UMAD1: variants seen among roughly 807,000 people sequenced by gnomAD.
UMAD1 encodes UBAP1-MVB12-associated (UMA)-domain containing protein 1.
Under a neutral mutation model 6.1 loss-of-function variants are expected in UMAD1, and 8 were observed. The observed-to-expected ratio is 1.30, with a 90% CI of 0.76 to 2.35. The LOEUF (loss-of-function observed/expected upper bound fraction) is 2.35. Ranked by LOEUF, UMAD1 falls within the 30% of genes most tolerant of loss-of-function variation. The pLI, the probability that UMAD1 is intolerant of heterozygous loss-of-function variation, is 0.00. For synonymous variants in UMAD1, 56 were observed against 31.4 expected, an observed-to-expected ratio of 1.78 and a Z score of -2.61; for missense variants, 130 against 78.4, an observed-to-expected ratio of 1.66 and a Z score of -2.49.
At chr7:7,707,044 G>A (rs9648617) in intron 2 of UMAD1, among the ~76,000 whole-genome samples, 7,760 of 152,150 alleles carry the variant, frequency 0.051, 249 homozygotes, top group Middle Eastern at 0.12. Context: ...ACTGTGTCAG[G>A]ACACTAATTA....
At position 7,810,091 on chromosome 7, in the gene UMAD1, G is replaced by T. The variant is rs552994342; in HGVS notation, c.156+8348G>T. ...TTCAAAAATAGCAACAGTTCTTCTA[G>T]TGGATGCCAGGATTTCAGTTTTAAG... On this transcript the variant is annotated intron_variant, in intron 3 of 3. Transcript: ENST00000682710. Among the ~76,000 whole-genome samples the T allele has an allele frequency of 2.6e-5, 4 of 152,164 alleles. No individual in the cohort carries two copies. In the South Asian group the frequency reaches 8.3e-4, roughly 32 times the overall value.
chr7:7,720,610 T>C (rs67942668), intron 2 of UMAD1, among the ~76,000 whole-genome samples: 33,022 of 152,174 alleles, frequency 0.22, 3,717 homozygotes, highest in African/African-American at 0.27. Flanking sequence ...ACTTTCTTCA[T>C]GGTAATTATA....
intron 3 of UMAD1, among the ~76,000 whole-genome samples, chr7:7,825,683 A>G (rs1783324714): frequency 1.3e-5 from 2 of 152,188 alleles, no homozygotes; most frequent in South Asian, 4.1e-4. Context: ...ATTTCCAAAG[A>G]ATGAATAATA....
chr7:7,706,103 A>C (rs573811932), intron 2 of UMAD1, among the ~76,000 whole-genome samples: 1 of 152,332 alleles, frequency 6.6e-6, no homozygotes, highest in African/African-American at 2.4e-5. Context: ...GTTATGATGG[A>C]GTCAGGATGC....
chr7:7,656,559 A>T (rs1034098940), intron 1 of UMAD1, among the ~76,000 whole-genome samples: 4 of 150,336 alleles, frequency 2.7e-5, no homozygotes, highest in African/African-American at 9.7e-5. Context: ...AAGTGAAAAC[A>T]TGTGGTGTTT....
chr7:7,823,463 A>T (rs1783281106), intron 3 of UMAD1, among the ~76,000 whole-genome samples: 1 of 152,140 alleles, frequency 6.6e-6, no homozygotes, highest in Non-Finnish European at 1.5e-5. Flanking sequence ...TTATTAACTC[A>T]AAGAATTCCC....
chr7:7,805,540 G>A (rs1161194757), intron 3 of UMAD1, among the ~76,000 whole-genome samples: 5 of 148,594 alleles, frequency 3.4e-5, no homozygotes, highest in Non-Finnish European at 6.0e-5. Flanking sequence ...TCTCCACATA[G>A]CAGACAGAAA....
intron 3 of UMAD1, among the ~76,000 whole-genome samples, chr7:7,808,172 A>G (rs1782955956): frequency 1.3e-5 from 2 of 152,028 alleles, no homozygotes; most frequent in Non-Finnish European, 2.9e-5. Context: ...CTAATTATCC[A>G]ATTAAAGGAT....
intron 2 of UMAD1, among the ~76,000 whole-genome samples, chr7:7,724,847 C>T (rs921187905): frequency 6.6e-6 from 1 of 152,086 alleles, no homozygotes; most frequent in African/African-American, 2.4e-5. Context: ...CTTTCAGCTT[C>T]CTGTTCTACC....
chr7:7,702,386 T>A (rs999148270), intron 2 of UMAD1, among the ~76,000 whole-genome samples: 1 of 152,176 alleles, frequency 6.6e-6, no homozygotes, highest in Non-Finnish European at 1.5e-5. Flanking sequence ...TTATTATCTC[T>A]TATTTTTTAA....
chr7:7,673,382 T>G lies in UMAD1; in HGVS notation c.11T>G (p.Phe4Cys), dbSNP rs1041407056. The G allele has an allele frequency of 8.1e-7, 1 of 1,232,342 alleles. No individual in the cohort carries two copies. The highest frequency in any genetic ancestry group is 1.5e-5 in the African/African-American group (1 of 66,794). The allele number at this position is 1,232,342 out of a possible 1,614,324, so 76.3% of individuals were successfully genotyped here. The change falls in exon 2 of 4, where the codon TTC (phenylalanine) becomes TGC (cysteine). Residue 4 changes from phenylalanine (F) to cysteine (C), a missense_variant. Transcript: ENST00000682710. ...GCAGCAGCAGCAGCAATGTTTCACTTCTTCAGAAAGCCTCCGGAATCTAAA... is the reference window on the plus strand; with the variant it reads ...GCAGCAGCAGCAGCAATGTTTCACTGCTTCAGAAAGCCTCCGGAATCTAAA... MFH[F>C]FRKPPESKKP...
chr7:7,821,105 AG>A (rs1476414997), intron 3 of UMAD1, among the ~76,000 whole-genome samples: 2 of 152,210 alleles, frequency 1.3e-5, no homozygotes, highest in Non-Finnish European at 2.9e-5. Flanking sequence ...CAAAAGAACA[AG>A]TAACCTCACT....
At chr7:7,708,489 G>A (rs537984655) in intron 2 of UMAD1, among the ~76,000 whole-genome samples, 1 of 152,080 alleles carries the variant, frequency 6.6e-6, no homozygotes, top group Non-Finnish European at 1.5e-5. Context: ...GGATATAAGG[G>A]GATCAGGTCT....
intron 2 of UMAD1, among the ~76,000 whole-genome samples, chr7:7,780,746 A>G (rs114284994): frequency 6.6e-6 from 1 of 152,266 alleles, no homozygotes; most frequent in Admixed American, 6.5e-5. Context: ...CACTTCTTTC[A>G]CTAAAGATTA....
intron 3 of UMAD1, among the ~76,000 whole-genome samples, chr7:7,860,274 A>G (rs79103943): frequency 0.013 from 2,056 of 152,316 alleles, 44 homozygotes; most frequent in African/African-American, 0.047. Context: ...AGAGTGTATT[A>G]TAAAAATGTA....
chr7:7,712,419 A>G (rs1780788208), intron 2 of UMAD1, among the ~76,000 whole-genome samples: 1 of 152,044 alleles, frequency 6.6e-6, no homozygotes, highest in African/African-American at 2.4e-5. Context: ...TAAAAATCAC[A>G]TTTCTGCTTT....
chr7:7,706,635 A>G lies in UMAD1; in HGVS notation c.82+33182A>G, dbSNP rs529911100. Among the ~76,000 whole-genome samples, 5 of 152,314 alleles carry G rather than the reference A, an allele frequency of 3.3e-5. No homozygotes were observed. The South Asian group carries it at 1.0e-3, about 32-fold the overall frequency. ...TAGGTAATAATGAAGATAACTAATA[A>G]TAACTCATTTACATAAGAACTCTAA... On this transcript the variant is annotated intron_variant, in intron 2 of 3. Coordinates refer to ENST00000682710, the MANE Select transcript of UMAD1 (RefSeq NM_001302348.2).
intron 2 of UMAD1, among the ~76,000 whole-genome samples, chr7:7,737,213 G>T (rs1781377095): frequency 6.6e-6 from 1 of 152,224 alleles, no homozygotes. Context: ...TCTCAGCTCT[G>T]CCACTTGCCA....
intron 2 of UMAD1, among the ~76,000 whole-genome samples, chr7:7,797,153 C>A (rs903515423): frequency 2.0e-5 from 3 of 152,126 alleles, no homozygotes; most frequent in African/African-American, 7.2e-5. Flanking sequence ...GAAGGGAAAC[C>A]AGCATGTCAC....
Sources: allele counts gnomAD v4.1 joint callset (sites outside exome capture counted in the v4.1 genomes callset), GRCh38; gene constraint gnomAD v4.1.1; transcripts MANE v1.5; gene names NCBI Gene and HGNC (gene_info 2026-07-23, HGNC 2026-07-21).